PCDHGA2: variants seen among roughly 807,000 people sequenced by gnomAD.
The protein encoded by PCDHGA2 is protocadherin gamma subfamily A, 2, also known as protocadherin gamma-A2.
PCDHGA2 carries 40 observed loss-of-function variants against 59.2 expected under a neutral mutation model. That is an observed-to-expected ratio of 0.68 (90% CI 0.52 to 0.88). PCDHGA2 has a LOEUF of 0.88. Ranked by LOEUF, PCDHGA2 falls within the 40% of genes least tolerant of loss-of-function variation. The probability of loss-of-function intolerance (pLI) is 0.00; values close to 1 mark genes in which losing one functional copy is unlikely to be tolerated. For synonymous variants in PCDHGA2, 560 were observed against 526.0 expected (o/e 1.06, Z -0.89); for missense variants, 1,226 against 1,204.0 (o/e 1.02, Z -0.27).
chr5:141,393,739 A>G (rs1589203711), intron 1 of PCDHGA2: 1 of 1,613,800 alleles, frequency 6.2e-7, no homozygotes, highest in Non-Finnish European at 8.5e-7. Flanking sequence ...AGTCTAGATT[A>G]TGAAGAATGT....
At chr5:141,403,236 T>G in intron 1 of PCDHGA2, 1 of 1,613,908 alleles carries the variant, frequency 6.2e-7, no homozygotes, top group South Asian at 1.1e-5. Flanking sequence ...CGGGAGGAGC[T>G]CTGTGCTCAG....
intron 1 of PCDHGA2, chr5:141,355,322 A>G: frequency 1.9e-6 from 3 of 1,614,000 alleles, no homozygotes; most frequent in Non-Finnish European, 1.7e-6. Flanking sequence ...GAGCAGGAAG[A>G]AGGCTCAGTG....
intron 1 of PCDHGA2, chr5:141,399,780 A>C (rs1444494014): frequency 6.2e-7 from 1 of 1,613,170 alleles, no homozygotes; most frequent in Non-Finnish European, 8.5e-7. Flanking sequence ...TGGGCGACCG[A>C]AACGACAACG....
Position 141,361,957 on chromosome 5 carries a change from G to C in PCDHGA2, c.2424+20562G>C, listed in dbSNP as rs976081209. On this transcript the variant is annotated intron_variant, in intron 1 of 3. Transcript: ENST00000394576. The stretch of plus-strand genomic sequence containing the variant: ...ACACAACGCTTGGCTGTCCTACCAC[G>C]TGCTGCAGGCCAGCGAGCCCGGGCT... 1.0e-5 allele frequency: 16 copies of C among 1,603,004 alleles called. No individual in the cohort carries two copies. In the Admixed American group the frequency reaches 1.8e-4, roughly 19 times the overall value.
At chr5:141,365,613 G>T in intron 1 of PCDHGA2, 1 of 1,613,548 alleles carries the variant, frequency 6.2e-7, no homozygotes, top group East Asian at 2.2e-5. Flanking sequence ...ATGGACCATG[G>T]AACCCCGCCC....
In PCDHGA2 at chr5:141,476,042, T is replaced by C. The variant is rs199923442; in HGVS notation, c.2425-18765T>C. On this transcript the variant is annotated intron_variant, in intron 1 of 3. Coordinates refer to ENST00000394576, the MANE Select transcript of PCDHGA2 (RefSeq NM_018915.4). The surrounding 1 kb of genome is among the most constrained non-coding windows in gnomAD (Gnocchi z 7.6). Reference sequence around the variant, plus strand: ...GACTCGGCGCCCAGCGCCCAAGCGCTAACCCGCTGAAAGTTTCTCAGCGAA... The same window carrying C: ...GACTCGGCGCCCAGCGCCCAAGCGCCAACCCGCTGAAAGTTTCTCAGCGAA... 1.4e-5 allele frequency: 21 copies of C among 1,491,832 alleles called. No individual in the cohort carries two copies. The highest frequency in any genetic ancestry group is 2.7e-6 in the Non-Finnish European group (3 of 1,123,808). 92.4% of individuals were successfully genotyped at this position (1,491,832 alleles called of 1,614,324 possible). A position where few individuals can be genotyped will look rare whatever the true frequency, so the allele number is the denominator to read the frequency against.
At chr5:141,457,715 CA>C (rs2098928510) in intron 1 of PCDHGA2, among the ~76,000 whole-genome samples, 2 of 152,212 alleles carry the variant, frequency 1.3e-5, no homozygotes, top group Non-Finnish European at 2.9e-5. Flanking sequence ...CACTGTTCCA[CA>C]AGGAATTTCA....
intron 1 of PCDHGA2, among the ~76,000 whole-genome samples, chr5:141,406,290 G>A (rs2094788974): frequency 6.6e-6 from 1 of 151,998 alleles, no homozygotes; most frequent in Non-Finnish European, 1.5e-5. Flanking sequence ...AAAGCACTGG[G>A]TGAGGTGTGA....
intron 1 of PCDHGA2, chr5:141,422,081 T>C: frequency 2.5e-6 from 4 of 1,612,346 alleles, no homozygotes; most frequent in Non-Finnish European, 3.4e-6. Context: ...TTTCGGAACA[T>C]GGAAAGCAAG....
intron 1 of PCDHGA2, chr5:141,423,349 T>A (rs2096733716): frequency 6.2e-7 from 1 of 1,614,196 alleles, no homozygotes; most frequent in East Asian, 2.2e-5. Context: ...CTTCCTGGTC[T>A]TTGTCATCGT....
intron 1 of PCDHGA2, among the ~76,000 whole-genome samples, chr5:141,460,369 T>C (rs1048970945): frequency 2.1e-4 from 32 of 152,322 alleles, no homozygotes; most frequent in African/African-American, 7.7e-4. Flanking sequence ...AGTTTTATAG[T>C]TTTACCATTT....
intron 1 of PCDHGA2, chr5:141,375,866 G>T: frequency 1.2e-6 from 2 of 1,613,948 alleles, no homozygotes; most frequent in Non-Finnish European, 8.5e-7. Flanking sequence ...GGTGGCGGTG[G>T]ACAGAGACTC....
chr5:141,390,583 AATGAG>A (rs1352765004), intron 1 of PCDHGA2: 1 of 348,204 alleles, frequency 2.9e-6, no homozygotes, highest in Non-Finnish European at 5.2e-6. Context: ...CTAAAAAGTG[AATGAG>A]ATTTTTCCTA....
chr5:141,481,096 T>C (rs1162625304), intron 1 of PCDHGA2, among the ~76,000 whole-genome samples: 2 of 152,150 alleles, frequency 1.3e-5, no homozygotes, highest in East Asian at 1.9e-4. Flanking sequence ...AAAGCAGTAC[T>C]CTGGAACCTA....
At chr5:141,383,848 A>G in intron 1 of PCDHGA2, 1 of 1,613,980 alleles carries the variant, frequency 6.2e-7, no homozygotes. Flanking sequence ...CTTCTATGAA[A>G]TGGAGGTTCA....
At chr5:141,351,531 G>A (rs1280732085) in intron 1 of PCDHGA2, 7 of 1,613,842 alleles carry the variant, frequency 4.3e-6, no homozygotes, top group East Asian at 2.2e-5. Flanking sequence ...ACCGACAAGG[G>A]CAAACCAGCC....
Position 141,477,780 on chromosome 5 carries a change from T to C in PCDHGA2, c.2425-17027T>C. On this transcript the variant is annotated intron_variant, in intron 1 of 3. Coordinates refer to ENST00000394576, the MANE Select transcript of PCDHGA2 (RefSeq NM_018915.4). The surrounding 1 kb of genome is among the most constrained non-coding windows in gnomAD (Gnocchi z 4.9). ...CTAGCCACCAACATCAGCGTGAACA[T>C]ATTTGTCACTGATCGCAATGACAAT... 6.2e-7 allele frequency: 1 copy of C among 1,614,048 alleles called. No homozygotes were observed. Among genetic ancestry groups the C allele is most frequent in the Non-Finnish European group, 8.5e-7 (1 of 1,180,030 alleles).
intron 1 of PCDHGA2, chr5:141,370,305 G>A: frequency 2.5e-6 from 3 of 1,206,280 alleles, no homozygotes; most frequent in South Asian, 3.3e-5. Context: ...CAAAGACAAA[G>A]CAAATAGTTG....
At chr5:141,452,966 G>T (rs996204633) in intron 1 of PCDHGA2, among the ~76,000 whole-genome samples, 6 of 152,098 alleles carry the variant, frequency 3.9e-5, no homozygotes, top group Admixed American at 1.3e-4. Context: ...TAAACTGAGG[G>T]TATATTGTCA....
Sources: gnomAD v4.1 joint callset for allele counts (sites outside exome capture counted in the v4.1 genomes callset) on GRCh38, gnomAD v4.1.1 for gene constraint, Gnocchi (gnomAD v3.1) non-coding constraint, MANE v1.5 for transcripts, NCBI Gene and HGNC (gene_info 2026-07-23, HGNC 2026-07-21) for gene names.